The following CTTNBP2 variants were observed in gnomAD, a reference collection of about 807,000 sequenced individuals.
The protein encoded by CTTNBP2 is cortactin-binding protein 2.
A neutral mutation model predicts 156.9 loss-of-function variants in CTTNBP2; 108 were observed. The observed-to-expected ratio is 0.69, with a 90% confidence interval of 0.59 to 0.81. The LOEUF is 0.81. Among genes scored for constraint, CTTNBP2 ranks in the 30% least tolerant of loss-of-function variants. CTTNBP2 has a pLI of 0.00. For missense variants in CTTNBP2, 1,924 were observed against 2,035.4 expected (o/e 0.95, Z 1.05); for synonymous variants, 767 against 751.8 (o/e 1.02, Z -0.33).
At chr7:117,854,439 T>C (rs145312329) in intron 2 of CTTNBP2, among the ~76,000 whole-genome samples, 2 of 152,328 alleles carry the variant, frequency 1.3e-5, no homozygotes, top group Admixed American at 6.5e-5. Context: ...TGTAGCATAC[T>C]CTGCGGCTGC....
At chr7:117,816,717 T>G (rs1196421362) in intron 2 of CTTNBP2, among the ~76,000 whole-genome samples, 1 of 152,194 alleles carries the variant, frequency 6.6e-6, no homozygotes, top group African/African-American at 2.4e-5. Context: ...CTTAAAATCT[T>G]ACTTTGCAAC....
At chr7:117,854,176 C>T (rs988117020) in intron 2 of CTTNBP2, among the ~76,000 whole-genome samples, 7 of 152,156 alleles carry the variant, frequency 4.6e-5, no homozygotes, top group African/African-American at 1.7e-4. Context: ...TCTCAACAGA[C>T]AGGAAAGGAA....
Position 117,757,966 on chromosome 7 carries a change from A to G in CTTNBP2, c.3177T>C (p.Asn1059=). ...AGCTCTGACCCACTGACCACGGCAC[A>G]TTTCCTAGTTTCAAAAAATGAAATA... ...ARSIRSITLG[N]VPWSVGQSFA... is the part of the protein sequence containing the mutation. Residue 1059 remains asparagine, a synonymous_variant, in exon 11 of 23, where the codon AAT becomes AAC. Coordinates refer to ENST00000160373, the MANE Select transcript of CTTNBP2 (RefSeq NM_033427.3). The G allele has an allele frequency of 1.2e-6, 2 of 1,611,582 alleles. No homozygotes were observed. Among genetic ancestry groups the G allele is most frequent in the Non-Finnish European group, 1.7e-6 (2 of 1,178,970 alleles).
At chr7:117,817,355 A>T (rs867670679) in intron 2 of CTTNBP2, among the ~76,000 whole-genome samples, 1,472 of 30,738 alleles carry the variant, frequency 0.048, 227 homozygotes, top group East Asian at 0.24. Flanking sequence ...AAAAAAAAAA[A>T]AAAAAAATAT....
At chr7:117,761,614 A>C (rs1301744547) in intron 9 of CTTNBP2, among the ~76,000 whole-genome samples, 1 of 152,228 alleles carries the variant, frequency 6.6e-6, no homozygotes, top group East Asian at 1.9e-4. Context: ...AAAAAATTTT[A>C]TCTAATGAGG....
rs184368328 is a variant in CTTNBP2, at chr7:117,754,293, G to A, written c.3348+2262C>T. ...TAAAAATAGTGCTTTCTGCCTCCCC[G>A]TCCACCCACTCTTTATCTCCTTGTC... On this transcript the variant is annotated intron_variant, in intron 12 of 22. Coordinates refer to ENST00000160373, the MANE Select transcript of CTTNBP2 (RefSeq NM_033427.3). Among the ~76,000 whole-genome samples, 46 of 152,122 alleles carry A rather than the reference G, an allele frequency of 3.0e-4. 1 individual carries two copies. In the South Asian group the frequency reaches 5.2e-3, roughly 17 times the overall value.
At chr7:117,779,337 CTTA>C (rs1488464389) in intron 7 of CTTNBP2, among the ~76,000 whole-genome samples, 5 of 152,250 alleles carry the variant, frequency 3.3e-5, no homozygotes, top group African/African-American at 1.2e-4. Flanking sequence ...TTGATACTTT[CTTA>C]TTATAAGGCA....
Position 117,711,723 on chromosome 7 carries a change from A to T in CTTNBP2, c.4806T>A (p.Thr1602=), listed in dbSNP as rs1475648756. ...ATTTAACTCTTGAAACACCCAACTC[A>T]GTCTTTGATTTACTGTTGCTGCATT... ...TTECSNSKSK[T]ELGVSRVKSF... The change falls in exon 23 of 23, where the codon ACT becomes ACA. Residue 1602 remains threonine, a synonymous_variant. Transcript: ENST00000160373. The T allele has an allele frequency of 3.1e-6, 5 of 1,613,904 alleles. No homozygotes were observed. Among genetic ancestry groups the T allele is most frequent in the Non-Finnish European group, 3.4e-6 (4 of 1,179,944 alleles).
intron 2 of CTTNBP2, among the ~76,000 whole-genome samples, chr7:117,847,520 G>T (rs1302238800): frequency 6.6e-6 from 1 of 152,182 alleles, no homozygotes; most frequent in East Asian, 1.9e-4. Flanking sequence ...GGGCAACAGA[G>T]CAAGACTCCA....
chr7:117,860,928 G>A (rs1008019543), intron 2 of CTTNBP2, among the ~76,000 whole-genome samples: 2 of 152,082 alleles, frequency 1.3e-5, no homozygotes, highest in Non-Finnish European at 2.9e-5. Context: ...ATAAACATGT[G>A]AAACATAAAA....
chr7:117,768,581 AAAAGAAAGAAAG>A (rs527295714), intron 8 of CTTNBP2, among the ~76,000 whole-genome samples: 1 of 99,112 alleles, frequency 1.0e-5, no homozygotes, highest in Non-Finnish European at 1.8e-5. Flanking sequence ...AAAAAAAAAA[AAAAGAAAGAAAG>A]AAAGAAAGAA....
intron 1 of CTTNBP2, among the ~76,000 whole-genome samples, chr7:117,868,441 C>G (rs1804356543): frequency 6.6e-6 from 1 of 152,180 alleles, no homozygotes; most frequent in Non-Finnish European, 1.5e-5. Context: ...ACCTTTTAAA[C>G]TGATCCCCAA....
Position 117,791,197 on chromosome 7 carries a change from A to G in CTTNBP2, c.1999T>C (p.Ser667Pro), listed in dbSNP as rs754186946. The change falls in exon 4 of 23, where the codon TCC becomes CCC. Residue 667 changes from serine (S) to proline (P), a missense_variant. Ser to Pro is a moderately conservative substitution (Grantham distance 74, BLOSUM62 -1). Transcript: ENST00000160373. ...GATGAGGCACTAACGGGGTTTATGGAAGAGCAAAAGGCAATGGTGGTAGGA... is the reference window on the plus strand; with the variant it reads ...GATGAGGCACTAACGGGGTTTATGGGAGAGCAAAAGGCAATGGTGGTAGGA... ...VIPTTIAFCS[S>P]INPVSASSCR... The G allele has an allele frequency of 7.4e-6, 12 of 1,614,088 alleles. No individual in the cohort carries two copies. The South Asian group carries it at 1.3e-4, about 18-fold the overall frequency.
At chr7:117,798,302 A>G (rs1189930990) in intron 3 of CTTNBP2, among the ~76,000 whole-genome samples, 3 of 152,156 alleles carry the variant, frequency 2.0e-5, no homozygotes, top group Non-Finnish European at 4.4e-5. Flanking sequence ...CAAAACTACA[A>G]AAGATATTCT....
Position 117,735,001 on chromosome 7 carries a change from T to C in CTTNBP2, c.3788A>G (p.Gln1263Arg), listed in dbSNP as rs375469429. The change falls in exon 16 of 23, where the codon CAG becomes CGG. Residue 1263 changes from glutamine (Q) to arginine (R), a missense_variant. Physicochemically the swap from Gln to Arg is conservative, Grantham distance 43. Transcript: ENST00000160373. ...CLQGSDLLVQQHFRWVQLRWD... is the reference protein window; with the variant it reads ...CLQGSDLLVQRHFRWVQLRWD... ...CCGCAGCTGCACCCAGCGGAAATGC[T>C]GCTGCACCAGCAAGTCGGAGCCCTG... 2.2e-5 allele frequency: 35 copies of C among 1,614,064 alleles called. No homozygotes were observed. Among genetic ancestry groups the C allele is most frequent in the Non-Finnish European group, 2.9e-5 (34 of 1,180,002 alleles).
At chr7:117,746,958 C>A (rs545183672) in intron 12 of CTTNBP2, among the ~76,000 whole-genome samples, 29 of 152,282 alleles carry the variant, frequency 1.9e-4, no homozygotes, top group African/African-American at 7.0e-4. Context: ...CTACACAGGG[C>A]AAAGGCAGCG....
intron 2 of CTTNBP2, among the ~76,000 whole-genome samples, chr7:117,847,220 T>C (rs564780740): frequency 1.6e-4 from 24 of 148,698 alleles, no homozygotes; most frequent in African/African-American, 5.9e-4. Context: ...ATAAAGAGAG[T>C]TGGAAAGTTC....
intron 3 of CTTNBP2, among the ~76,000 whole-genome samples, chr7:117,807,160 C>A (rs1218128029): frequency 6.6e-6 from 1 of 152,128 alleles, no homozygotes; most frequent in Non-Finnish European, 1.5e-5. Context: ...AATGGCTCTG[C>A]AATGCTCCTG....
intron 20 of CTTNBP2, among the ~76,000 whole-genome samples, chr7:117,720,772 C>T (rs1376417434): frequency 1.3e-5 from 2 of 152,140 alleles, no homozygotes; most frequent in Admixed American, 6.5e-5. Context: ...TTCACAAATG[C>T]ATAAACAAAA....
Sources: allele counts gnomAD v4.1 joint callset (sites outside exome capture counted in the v4.1 genomes callset), GRCh38; gene constraint gnomAD v4.1.1; transcripts MANE v1.5; gene names NCBI Gene and HGNC (gene_info 2026-07-23, HGNC 2026-07-21).